Variants in TUT4 observed in about 807,000 individuals in gnomAD.
TUT4 encodes the protein terminal uridylyl transferase 4, also known as terminal uridylyltransferase 4.
In TUT4, 36 loss-of-function variants were observed where a neutral mutation model predicts 192.2. That is an observed-to-expected ratio of 0.19 (90% CI 0.14 to 0.25). TUT4 has a LOEUF of 0.25. TUT4 is among the 10% of genes least tolerant of loss of function. The pLI is 1.00. For missense variants in TUT4, 1,493 were observed against 1,957.2 expected, an observed-to-expected ratio of 0.76 and a Z score of 4.47; for synonymous variants, 618 against 666.0, an observed-to-expected ratio of 0.93 and a Z score of 1.11.
In TUT4 at chr1:52,475,063, T is replaced by C. The variant is rs375825542; in HGVS notation, c.2496A>G (p.Gln832=). 20 of 1,614,016 alleles carry C rather than the reference T, an allele frequency of 1.2e-5. No homozygotes were observed. Among genetic ancestry groups the C allele is most frequent in the African/African-American group, 8.0e-5 (6 of 74,914 alleles). The change falls in exon 13 of 30, where the codon CAA becomes CAG. Residue 832 remains glutamine, a synonymous_variant. Coordinates refer to ENST00000257177, the MANE Select transcript of TUT4 (RefSeq NM_001009881.3). Reference sequence around the variant, plus strand: ...ACTTAGACAAATCAATGCAATTACATTGGCTGAGCTCTTTTTTTAAACAAG... The same window carrying C: ...ACTTAGACAAATCAATGCAATTACACTGGCTGAGCTCTTTTTTTAAACAAG... ...SETCLKKELS[Q]CNCIDLSKSP...
chr1:52,521,820 C>A (rs527941323), intron 2 of TUT4, among the ~76,000 whole-genome samples: 1 of 152,088 alleles, frequency 6.6e-6, no homozygotes, highest in Non-Finnish European at 1.5e-5. Flanking sequence ...AAAAATTAGC[C>A]AGGTGTGGTG....
At chr1:52,469,474 GAAT>G (rs1321739035) in intron 14 of TUT4, among the ~76,000 whole-genome samples, 2 of 152,192 alleles carry the variant, frequency 1.3e-5, no homozygotes, top group African/African-American at 4.8e-5. Context: ...TTTAAAAAAT[GAAT>G]AATAGATGGT....
At chr1:52,461,084 T>A in intron 19 of TUT4, 50 bp downstream of exon 19, 1 of 1,433,048 alleles carries the variant, frequency 7.0e-7, no homozygotes, top group Non-Finnish European at 9.4e-7. Flanking sequence ...TAGTTATGTT[T>A]CATTTTAATT....
At chr1:52,431,578 A>AG in intron 27 of TUT4, 118 bp from the exon 28 acceptor site, 3 of 808,308 alleles carry the variant, frequency 3.7e-6, no homozygotes, top group South Asian at 3.5e-5. Context: ...TGTATATCAT[A>AG]ACAAATAATT....
At chr1:52,476,737 T>C (rs914781664) in intron 12 of TUT4, among the ~76,000 whole-genome samples, 1 of 152,164 alleles carries the variant, frequency 6.6e-6, no homozygotes, top group African/African-American at 2.4e-5. Context: ...GAGTACAAGA[T>C]GTGTATAAAT....
chr1:52,428,454 C>G (rs569063272), intron 28 of TUT4, among the ~76,000 whole-genome samples: 2 of 152,084 alleles, frequency 1.3e-5, no homozygotes, highest in South Asian at 4.1e-4. Flanking sequence ...TAGTGAAACC[C>G]CGTCTCTACT....
chr1:52,530,679 C>G (rs141722662), intron 1 of TUT4, among the ~76,000 whole-genome samples: 39 of 152,110 alleles, frequency 2.6e-4, no homozygotes, highest in African/African-American at 7.0e-4. Context: ...TTCCTAGAAA[C>G]GAAGTTCTCT....
chr1:52,451,782 G>A (rs1477473609), intron 20 of TUT4, among the ~76,000 whole-genome samples: 1 of 151,446 alleles, frequency 6.6e-6, no homozygotes, highest in Non-Finnish European at 1.5e-5. Flanking sequence ...GGCGGAGATT[G>A]CAGTGAGCCG....
At position 52,474,876 on chromosome 1, in the gene TUT4, C is replaced by T; in HGVS notation, c.2683G>A (p.Glu895Lys). The change falls in exon 13 of 30, where the codon GAA becomes AAA. Residue 895 changes from glutamate (E) to lysine (K), a missense_variant. By Grantham distance (56) the Glu-to-Lys change is moderately conservative. This residue lies in a region of TUT4 where 245 missense variants were observed against 218.4 expected (regional missense o/e 1.12). Transcript: ENST00000257177. ...AACTTATCAAACACATAATATAATT[C>T]CTGGGTGGGGAGGTTATCATCATCA... is the stretch of plus-strand genomic sequence containing the variant. ...LNDDDNLPTQ[E>K]LYYVFDKFIL... 1 of 1,612,474 alleles carries T rather than the reference C, an allele frequency of 6.2e-7. No homozygotes were observed. The highest frequency in any genetic ancestry group is 8.5e-7 in the Non-Finnish European group (1 of 1,179,650).
At chr1:52,511,979 AAG>A (rs10582293) in intron 3 of TUT4, among the ~76,000 whole-genome samples, 5,012 of 152,318 alleles carry the variant, frequency 0.033, 200 homozygotes, top group African/African-American at 0.097. Flanking sequence ...AGGTGGTAAA[AAG>A]AGTTGCTTTC....
intron 20 of TUT4, among the ~76,000 whole-genome samples, chr1:52,447,371 C>T (rs1231277593): frequency 1.3e-5 from 2 of 151,520 alleles, no homozygotes; most frequent in Non-Finnish European, 2.9e-5. Context: ...AATGCTTGAA[C>T]CTGGAAAGCA....
rs549447166 is a variant in TUT4 at position 52,446,435 on chromosome 1, C to T, written c.3521G>A (p.Arg1174His). 12 of 1,582,902 alleles carry T rather than the reference C, an allele frequency of 7.6e-6. No individual in the cohort carries two copies. Among genetic ancestry groups the T allele is most frequent in the East Asian group, 2.3e-5 (1 of 44,386 alleles). The change falls in exon 22 of 30, where the codon CGT (arginine) becomes CAT (histidine). Residue 1174 changes from arginine (R) to histidine (H), a missense_variant. This residue lies in a region of TUT4 where 141 missense variants were observed against 382.7 expected (regional missense o/e 0.37). Coordinates refer to ENST00000257177, the MANE Select transcript of TUT4 (RefSeq NM_001009881.3). ...FFDKTEELKKRLPSLGKNTES... is the reference protein window; with the variant it reads ...FFDKTEELKKHLPSLGKNTES... ...TGTGTTCTTTCCAAGTGAAGGTAAACGCTTTTTCTACATATAAAAAAAAAA... is the reference window on the plus strand; with the variant it reads ...TGTGTTCTTTCCAAGTGAAGGTAAATGCTTTTTCTACATATAAAAAAAAAA...
chr1:52,465,219 G>C (rs1663767058), intron 15 of TUT4, 46 bp from the exon 16 acceptor site: 1 of 1,431,822 alleles, frequency 7.0e-7, no homozygotes. Context: ...TAAGCAGAGA[G>C]GAGGAGTCTT....
In TUT4 at chr1:52,461,725, A is replaced by T. The variant is rs1210573119; in HGVS notation, c.3114T>A (p.Leu1038=). ...KEIIENLAKI[L]KRHPGLRNIL... ...CAAAATTCATACCTGGATGTCTCTT[A>T]AGAATTTTTGCCAAATTTTCAATTA... The change falls in exon 17 of 30, where the codon CTT becomes CTA. Residue 1038 remains leucine, a synonymous_variant. Coordinates refer to ENST00000257177, the MANE Select transcript of TUT4 (RefSeq NM_001009881.3). 1 of 1,505,258 alleles carries T rather than the reference A, an allele frequency of 6.6e-7. No individual in the cohort carries two copies. The highest frequency in any genetic ancestry group is 1.2e-5 in the South Asian group (1 of 81,056). 93.2% of individuals were successfully genotyped at this position (1,505,258 alleles called of 1,614,324 possible). A position where few individuals can be genotyped will look rare whatever the true frequency, so the allele number is the denominator to read the frequency against.
intron 13 of TUT4, 26 bp downstream of exon 13, chr1:52,474,806 C>T: frequency 6.5e-7 from 1 of 1,530,952 alleles, no homozygotes; most frequent in Non-Finnish European, 8.8e-7. Flanking sequence ...CAAAATCTTA[C>T]AGATCATTTA....
At chr1:52,447,723 C>A (rs896495620) in intron 20 of TUT4, among the ~76,000 whole-genome samples, 10 of 152,074 alleles carry the variant, frequency 6.6e-5, no homozygotes, top group African/African-American at 2.4e-4. Flanking sequence ...AGTCAGGAGA[C>A]CTAATTTCTA....
At chr1:52,522,692 G>C (rs1680593029) in intron 2 of TUT4, among the ~76,000 whole-genome samples, 1 of 152,104 alleles carries the variant, frequency 6.6e-6, no homozygotes, top group Non-Finnish European at 1.5e-5. Flanking sequence ...TTGGGAGGCT[G>C]AGGCAGGCGG....
At chr1:52,516,702 C>T (rs1262797593) in intron 2 of TUT4, among the ~76,000 whole-genome samples, 1 of 152,212 alleles carries the variant, frequency 6.6e-6, no homozygotes, top group Admixed American at 6.5e-5. Context: ...ACCAAATCAC[C>T]TTATTCTCTT....
intron 3 of TUT4, 36 bp downstream of exon 3, chr1:52,515,855 C>T (rs1678584187): frequency 6.2e-7 from 1 of 1,611,984 alleles, no homozygotes; most frequent in Non-Finnish European, 8.5e-7. Context: ...ATGAAACACA[C>T]ATTTCCCCCC....
Sources: gnomAD v4.1 joint callset for allele counts (sites outside exome capture counted in the v4.1 genomes callset) on GRCh38, gnomAD v4.1.1 for gene constraint, gnomAD v4.1.1 regional missense constraint, MANE v1.5 for transcripts, NCBI Gene and HGNC (gene_info 2026-07-23, HGNC 2026-07-21) for gene names.